Variants in AKT3 observed in about 807,000 individuals in gnomAD.
AKT3 encodes the protein RAC-gamma serine/threonine-protein kinase.
A neutral mutation model predicts 65.3 loss-of-function variants in AKT3; 15 were observed. The ratio of observed to expected loss-of-function variants is 0.23; its 90% CI spans 0.15 to 0.35. The LOEUF is 0.35. AKT3 is among the 10% of genes least tolerant of loss of function. AKT3 has a pLI of 1.00. For synonymous variants in AKT3, 206 were observed against 183.8 expected, an observed-to-expected ratio of 1.12 and a Z score of -0.98; for missense variants, 243 against 576.5, an observed-to-expected ratio of 0.42 and a Z score of 5.92.
chr1:243,721,631 T>C (rs1686912661), intron 2 of AKT3, among the ~76,000 whole-genome samples: 1 of 152,168 alleles, frequency 6.6e-6, no homozygotes, highest in African/African-American at 2.4e-5. Context: ...CTACCAAATA[T>C]AAACTAGTAG....
intron 12 of AKT3, among the ~76,000 whole-genome samples, chr1:243,516,737 A>C (rs1670384890): frequency 6.6e-6 from 1 of 152,006 alleles, no homozygotes; most frequent in South Asian, 2.1e-4. Flanking sequence ...CCTCCTGAGC[A>C]GCTATGACCA....
At chr1:243,583,551 AAAAAAGAAAAAAAAAAGAAAAAG>A (rs2148532152) in intron 8 of AKT3, among the ~76,000 whole-genome samples, 1 of 47,274 alleles carries the variant, frequency 2.1e-5, no homozygotes, top group Admixed American at 3.7e-4. Flanking sequence ...AAAAAAAAAA[AAAAAAGAAAAAAAAAAGAAAAAG>A]AAAAAGAAAA....
intron 10 of AKT3, among the ~76,000 whole-genome samples, chr1:243,559,821 CT>C (rs1241299822): frequency 6.6e-6 from 1 of 152,088 alleles, no homozygotes; most frequent in Non-Finnish European, 1.5e-5. Context: ...TATTACAGAT[CT>C]GATACACAAC....
chr1:243,593,880 A>G (rs1676415801), intron 8 of AKT3, among the ~76,000 whole-genome samples: 1 of 152,210 alleles, frequency 6.6e-6, no homozygotes, highest in Non-Finnish European at 1.5e-5. Flanking sequence ...ACAGGGAACA[A>G]AAACACAATG....
intron 13 of AKT3, among the ~76,000 whole-genome samples, chr1:243,491,513 G>A (rs899073901): frequency 1.3e-5 from 2 of 152,226 alleles, no homozygotes; most frequent in Admixed American, 6.5e-5. Context: ...AGTGGTCAGA[G>A]AGGAGGCAGG....
intron 2 of AKT3, among the ~76,000 whole-genome samples, chr1:243,781,829 T>C (rs6429435): frequency 0.51 from 77,430 of 152,016 alleles, 23,720 homozygotes; most frequent in Non-Finnish European, 0.68. Context: ...ATTTATTTAA[T>C]CATTCCTTTT....
chr1:243,656,325 C>A (rs895411203), intron 4 of AKT3, among the ~76,000 whole-genome samples: 1 of 152,034 alleles, frequency 6.6e-6, no homozygotes, highest in African/African-American at 2.4e-5. Flanking sequence ...TAGTTACTTA[C>A]TAATAAATAT....
chr1:243,745,591 C>A (rs146328226), intron 2 of AKT3, among the ~76,000 whole-genome samples: 1 of 152,130 alleles, frequency 6.6e-6, no homozygotes, highest in African/African-American at 2.4e-5. Context: ...CCCTTTAAAC[C>A]AAGCTTGTCC....
chr1:243,752,401 C>T (rs548450746), intron 2 of AKT3, among the ~76,000 whole-genome samples: 1 of 152,060 alleles, frequency 6.6e-6, no homozygotes, highest in Non-Finnish European at 1.5e-5. Flanking sequence ...TTTTTGTGGT[C>T]GATGCTATAA....
At chr1:243,781,042 G>A (rs186970292) in intron 2 of AKT3, among the ~76,000 whole-genome samples, 88 of 152,126 alleles carry the variant, frequency 5.8e-4, no homozygotes, top group African/African-American at 2.0e-3. Flanking sequence ...TACAGTTAAA[G>A]TCTCTTCTAT....
intron 8 of AKT3, among the ~76,000 whole-genome samples, chr1:243,608,677 T>G (rs945818826): frequency 2.0e-5 from 3 of 151,838 alleles, no homozygotes; most frequent in Admixed American, 2.0e-4. Flanking sequence ...TTTCCCTTAC[T>G]TTAAACCTAT....
downstream of AKT3, among the ~76,000 whole-genome samples, chr1:243,499,100 G>A (rs1161383031): frequency 1.3e-5 from 2 of 152,188 alleles, no homozygotes; most frequent in Non-Finnish European, 2.9e-5. Context: ...TGGCAGCAGA[G>A]GCCAGGAACA....
chr1:243,840,538 G>A (rs780685077), intron 2 of AKT3, among the ~76,000 whole-genome samples: 1 of 152,052 alleles, frequency 6.6e-6, no homozygotes, highest in Non-Finnish European at 1.5e-5. Context: ...TGCTCTCTAA[G>A]AATCTCATCA....
chr1:243,592,445 A>G (rs1275058907), intron 8 of AKT3, among the ~76,000 whole-genome samples: 34 of 152,264 alleles, frequency 2.2e-4, no homozygotes, highest in Admixed American at 2.2e-3. Context: ...AGGAAGTAAT[A>G]AACAGAAAAG....
intron 2 of AKT3, among the ~76,000 whole-genome samples, chr1:243,774,881 G>A (rs1050903506): frequency 2.6e-5 from 4 of 152,066 alleles, no homozygotes; most frequent in South Asian, 4.2e-4. Flanking sequence ...TATTATTATT[G>A]AGACAGGGTC....
chr1:243,542,895 AGAGCCTCGCGGGTCACACAG>A (rs1387368022), intron 12 of AKT3, among the ~76,000 whole-genome samples: 1 of 152,190 alleles, frequency 6.6e-6, no homozygotes, highest in Non-Finnish European at 1.5e-5. Context: ...AGAGAACACC[AGAGCCTCGCGGGTCACACAG>A]GACACCGTGA....
At chr1:243,510,621 A>T (rs1669955397) in intron 13 of AKT3, among the ~76,000 whole-genome samples, 1 of 152,214 alleles carries the variant, frequency 6.6e-6, no homozygotes, top group Admixed American at 6.5e-5. Context: ...TACTGTCCCC[A>T]GAGCCCGAGG....
chr1:243,701,004 T>G (rs1372836989), intron 2 of AKT3, among the ~76,000 whole-genome samples: 2 of 152,246 alleles, frequency 1.3e-5, no homozygotes, highest in African/African-American at 2.4e-5. Context: ...GTATTTTTAC[T>G]TAATAATCTT....
chr1:243,820,832 A>C lies in AKT3; in HGVS notation c.46+22293T>G, dbSNP rs115403069. Among the ~76,000 whole-genome samples, 778 of 152,294 alleles carry C rather than the reference A, an allele frequency of 5.1e-3. 9 individuals carry two copies. Among genetic ancestry groups the C allele is most frequent in the African/African-American group, 0.018 (739 of 41,562 alleles). ...ATTAGGGTACCTGAAAGAGATGGGG[A>C]AAATGGAACCAAGTTGGAATATATA... On this transcript the variant is annotated intron_variant, in intron 2 of 13. Coordinates refer to ENST00000673466, the MANE Select transcript of AKT3 (RefSeq NM_005465.7).
Sources: allele counts gnomAD v4.1 joint callset (sites outside exome capture counted in the v4.1 genomes callset), GRCh38; gene constraint gnomAD v4.1.1; transcripts MANE v1.5; gene names NCBI Gene and HGNC (gene_info 2026-07-23, HGNC 2026-07-21).